MAP9: variants seen among roughly 807,000 people sequenced by gnomAD.
The protein encoded by MAP9 is microtubule-associated protein 9.
In MAP9, 80 loss-of-function variants were observed where a neutral mutation model predicts 75.2. That is an observed-to-expected ratio of 1.06 (90% confidence interval 0.89 to 1.28). The LOEUF (loss-of-function observed/expected upper bound fraction) is 1.28, where lower values mean the gene tolerates loss of function less well. Among genes scored for constraint, MAP9 ranks in the 50% most tolerant of loss-of-function variants. The pLI, the probability that MAP9 is intolerant of heterozygous loss-of-function variation, is 0.00. For synonymous variants in MAP9, 235 were observed against 237.3 expected, an observed-to-expected ratio of 0.99 and a Z score of 0.09; for missense variants, 753 against 719.9, an observed-to-expected ratio of 1.05 and a Z score of -0.53.
intron 10 of MAP9, 106 bp from the exon 11 acceptor site, chr4:155,353,446 C>A: frequency 1.1e-6 from 1 of 905,854 alleles, no homozygotes; most frequent in Non-Finnish European, 1.4e-6. Context: ...CTTTAGTCCT[C>A]TGATATTCAT....
At position 155,375,763 on chromosome 4, in the gene MAP9, A is replaced by G. The variant is rs770846277; in HGVS notation, c.75+13T>C. The G allele has an allele frequency of 5.1e-6, 8 of 1,558,552 alleles. No homozygotes were observed. In the South Asian group the frequency reaches 9.0e-5, roughly 17 times the overall value. On this transcript the variant is annotated intron_variant, in intron 2 of 13. Transcript: ENST00000311277. ...TTTACACTGTGAAATGATTCCAAAT[A>G]AAAATACTTTACCTGGAAAGTAGTT...
chr4:155,375,029 G>A lies in MAP9; in HGVS notation c.76-8C>T, dbSNP rs778112750. 5.2e-5 allele frequency: 81 copies of A among 1,546,744 alleles called. No homozygotes were observed. The highest frequency in any genetic ancestry group is 6.4e-5 in the Non-Finnish European group (72 of 1,132,034). ...TGCTCTTATTAGCTCATCCTGAAAT[G>A]AGATACTGAAATCAATTTCCATCCA... On this transcript the variant is annotated splice_polypyrimidine_tract_variant and splice_region_variant and intron_variant, in intron 2 of 13. Transcript: ENST00000311277.
At position 155,347,660 on chromosome 4, in the gene MAP9, A is replaced by T; in HGVS notation, c.*123T>A. 1 of 945,016 alleles carries T rather than the reference A, an allele frequency of 1.1e-6. No individual in the cohort carries two copies. The highest frequency in any genetic ancestry group is 1.5e-6 in the Non-Finnish European group (1 of 662,882). The allele number at this position is 945,016 out of a possible 1,614,324, so 58.5% of individuals were successfully genotyped here. A position where few individuals can be genotyped will look rare whatever the true frequency, so the allele number is the denominator to read the frequency against. On this transcript the variant is annotated 3_prime_UTR_variant, in exon 14 of 14. Coordinates refer to ENST00000311277, the MANE Select transcript of MAP9 (RefSeq NM_001039580.2). Reference sequence around the variant, plus strand: ...ATTCCAAAGTATTTCTTTCATTGTCAGCAGGAGTGTCTGGCATTTAATTAA... The same window carrying T: ...ATTCCAAAGTATTTCTTTCATTGTCTGCAGGAGTGTCTGGCATTTAATTAA...
rs1379173863 is a variant in MAP9 at position 155,345,815 on chromosome 4, T to C, written c.*1968A>G. On this transcript the variant is annotated 3_prime_UTR_variant, in exon 14 of 14. Transcript: ENST00000311277. The stretch of plus-strand genomic sequence containing the variant: ...ATGATCTCACATCCCCAAAAGTAGC[T>C]GTACCTTTTTCAGTTTTTTTCCTTT... 1 of 152,168 alleles carries C rather than the reference T, an allele frequency of 6.6e-6. No individual in the cohort carries two copies. Among genetic ancestry groups the C allele is most frequent in the East Asian group, 1.9e-4 (1 of 5,190 alleles). 9.4% of individuals were successfully genotyped at this position (152,168 alleles called of 1,614,324 possible). A position where few individuals can be genotyped will look rare whatever the true frequency, so the allele number is the denominator to read the frequency against.
rs56261222 is a variant in MAP9, at chr4:155,359,210, T to TACACACACACAC, written c.1050+946_1050+957dup. ...TATGATTGTATAAAGAAAATGTGTA[T>TACACACACACAC]ACACACACACACACACACACACACA... On this transcript the variant is annotated intron_variant, in intron 7 of 13. Transcript: ENST00000311277. Among the ~76,000 whole-genome samples, 238 of 145,572 alleles carry TACACACACACAC rather than the reference T, an allele frequency of 1.6e-3. 2 individuals carry two copies. The highest frequency in any genetic ancestry group is 4.5e-3 in the African/African-American group (177 of 39,462).
At chr4:155,364,528 T>C (rs1324992364) in intron 5 of MAP9, among the ~76,000 whole-genome samples, 2 of 88,908 alleles carry the variant, frequency 2.2e-5, no homozygotes, top group Admixed American at 1.0e-4. Context: ...TCTACAAATA[T>C]ATATTATCTA....
chr4:155,361,586 T>C (rs1732082677), intron 6 of MAP9, among the ~76,000 whole-genome samples: 1 of 152,056 alleles, frequency 6.6e-6, no homozygotes, highest in African/African-American at 2.4e-5. Context: ...ATTACTCTTA[T>C]TTTACCCATT....
Position 155,355,895 on chromosome 4 carries a change from C to T in MAP9, c.1122-11G>A, listed in dbSNP as rs1236259714. On this transcript the variant is annotated splice_polypyrimidine_tract_variant and intron_variant, in intron 8 of 13. Coordinates refer to ENST00000311277, the MANE Select transcript of MAP9 (RefSeq NM_001039580.2). The stretch of plus-strand genomic sequence containing the variant: ...TCAGAGGTCATTAATCTGAAAAGAT[C>T]CAAATGAATCAAGACAAAATATTAC... 2 of 1,602,348 alleles carry T rather than the reference C, an allele frequency of 1.2e-6. No individual in the cohort carries two copies. Among genetic ancestry groups the T allele is most frequent in the Admixed American group, 1.7e-5 (1 of 58,780 alleles).
chr4:155,355,068 T>C lies in MAP9; in HGVS notation c.1380+3A>G, dbSNP rs1731707134. On this transcript the variant is annotated splice_donor_region_variant and intron_variant, in intron 10 of 13. Coordinates refer to ENST00000311277, the MANE Select transcript of MAP9 (RefSeq NM_001039580.2). ...ACATTTTTACTTCTATATGTCAGAA[T>C]ACCTGTTCATTTTGGATCCTTAAGT... The C allele has an allele frequency of 1.5e-6, 2 of 1,292,024 alleles. No individual in the cohort carries two copies. The highest frequency in any genetic ancestry group is 2.1e-6 in the Non-Finnish European group (2 of 935,816). 80.0% of individuals were successfully genotyped at this position (1,292,024 alleles called of 1,614,324 possible).
At chr4:155,350,565 C>G (rs1220847910) in intron 13 of MAP9, among the ~76,000 whole-genome samples, 1 of 151,950 alleles carries the variant, frequency 6.6e-6, no homozygotes, top group African/African-American at 2.4e-5. Flanking sequence ...CAGTGTACAT[C>G]TTCTTAATAT....
intron 5 of MAP9, among the ~76,000 whole-genome samples, chr4:155,365,319 A>G (rs1732275521): frequency 6.6e-6 from 1 of 152,096 alleles, no homozygotes; most frequent in African/African-American, 2.4e-5. Flanking sequence ...TGCTCAAAAC[A>G]TAATAATAAT....
chr4:155,373,693 G>C (rs550625540), intron 3 of MAP9, among the ~76,000 whole-genome samples: 29 of 152,074 alleles, frequency 1.9e-4, no homozygotes, highest in Non-Finnish European at 3.2e-4. Flanking sequence ...TGTATTTATT[G>C]TGTTGTCTGT....
rs75800910 is a variant in MAP9 at position 155,371,256 on chromosome 4, A to G, written c.481+1880T>C. Among the ~76,000 whole-genome samples, 341 of 152,238 alleles carry G rather than the reference A, an allele frequency of 2.2e-3. 2 individuals are homozygous for G. Among genetic ancestry groups the G allele is most frequent in the African/African-American group, 7.6e-3 (314 of 41,550 alleles). On this transcript the variant is annotated intron_variant, in intron 4 of 13. Transcript: ENST00000311277. Reference sequence around the variant, plus strand: ...TTGCTACTCAGCAATATCTCACCACATTAAAAACATTGAGTTCCAAACCTG... The same window carrying G: ...TTGCTACTCAGCAATATCTCACCACGTTAAAAACATTGAGTTCCAAACCTG...
rs1732109239 is a variant in MAP9, at chr4:155,362,117, A to C, written c.733T>G (p.Ser245Ala). 6.3e-7 allele frequency: 1 copy of C among 1,587,066 alleles called. No individual in the cohort carries two copies. The highest frequency in any genetic ancestry group is 1.2e-5 in the South Asian group (1 of 85,260). ...PEDSCLTSLA[S>A]SSLKQILGDS... is the part of the protein sequence containing the mutation. ...CCAAGAATTTGTTTAAGTGATGATG[A>C]TGCTAGACTTGTTAAGCATGAATCC... is the stretch of plus-strand genomic sequence containing the variant. Residue 245 changes from serine (S) to alanine (A), a missense_variant, in exon 6 of 14, where the codon TCA becomes GCA. Ser to Ala is a moderately conservative substitution (Grantham distance 99). Coordinates refer to ENST00000311277, the MANE Select transcript of MAP9 (RefSeq NM_001039580.2).
intron 7 of MAP9, among the ~76,000 whole-genome samples, chr4:155,357,884 G>T (rs1213880893): frequency 6.6e-6 from 1 of 152,060 alleles, no homozygotes; most frequent in East Asian, 1.9e-4. Context: ...ATGAAAGAAA[G>T]AAACAGCAAG....
chr4:155,355,619 C>T (rs896170490), intron 9 of MAP9, 97 bp downstream of exon 9: 46 of 878,722 alleles, frequency 5.2e-5, no homozygotes, highest in Non-Finnish European at 7.3e-5. Context: ...AAGTATTAAA[C>T]CATCATTTTC....
In MAP9 at chr4:155,353,206, ATTTTCTTCTTCAG is replaced by A. The variant is rs1731600478; in HGVS notation, c.1502_1514del (p.Thr501MetfsTer53). ...GTAGTGCTTCTCCTTTTCTTGCAGC[ATTTTCTTCTTCAG>A]TTTTCTTCTTGTTTTTTTCTTCAAG... On this transcript the variant is annotated frameshift_variant, in exon 11 of 14. Transcript: ENST00000311277. LOFTEE classifies it high-confidence loss of function. 2.5e-6 allele frequency: 4 copies of A among 1,597,334 alleles called. No individual in the cohort carries two copies. Among genetic ancestry groups the A allele is most frequent in the Non-Finnish European group, 3.4e-6 (4 of 1,173,836 alleles).
In MAP9 at chr4:155,357,493, C is replaced by A; in HGVS notation, c.1077G>T (p.Lys359Asn). 2 of 1,540,706 alleles carry A rather than the reference C, an allele frequency of 1.3e-6. No individual in the cohort carries two copies. The highest frequency in any genetic ancestry group is 1.1e-5 in the South Asian group (1 of 89,206). The change falls in exon 8 of 14, where the codon AAG (lysine) becomes AAT (asparagine). Residue 359 changes from lysine to asparagine, a missense_variant. Lys to Asn is a moderately conservative substitution (Grantham distance 94). Coordinates refer to ENST00000311277, the MANE Select transcript of MAP9 (RefSeq NM_001039580.2). ...SKKTIEDRNI[K>N]NKKSTNNRAS... ...CTCTATTATTTGTTGACTTTTTATT[C>A]TTTATATTTCTATCTTCAATTGTTT...
intron 5 of MAP9, among the ~76,000 whole-genome samples, chr4:155,363,468 TAGAGTTAGC>T (rs1310104235): frequency 6.6e-6 from 1 of 152,106 alleles, no homozygotes; most frequent in African/African-American, 2.4e-5. Context: ...ACTCACGTTT[TAGAGTTAGC>T]AGACAAGGAC....
Sources: allele counts gnomAD v4.1 joint callset (sites outside exome capture counted in the v4.1 genomes callset), GRCh38; gene constraint gnomAD v4.1.1; transcripts MANE v1.5; gene names NCBI Gene and HGNC (gene_info 2026-07-23, HGNC 2026-07-21).